Variants in ANKAR observed in about 807,000 individuals in gnomAD.
The protein encoded by ANKAR is ankyrin and armadillo repeat containing.
In ANKAR, 136 loss-of-function variants were observed where a neutral mutation model predicts 146.2. The observed-to-expected ratio is 0.93, with a 90% CI of 0.81 to 1.07. The LOEUF (loss-of-function observed/expected upper bound fraction) is 1.07. Ranked by LOEUF, ANKAR falls within the 50% of genes least tolerant of loss-of-function variation. The pLI is 0.00. For missense variants in ANKAR, 1,567 were observed against 1,679.9 expected, an observed-to-expected ratio of 0.93 and a Z score of 1.18; for synonymous variants, 500 against 575.8, an observed-to-expected ratio of 0.87 and a Z score of 1.88.
At chr2:189,716,726 TG>T (rs1287905653) in intron 10 of ANKAR, among the ~76,000 whole-genome samples, 10 of 152,208 alleles carry the variant, frequency 6.6e-5, no homozygotes, top group Non-Finnish European at 1.3e-4. Flanking sequence ...AACATGGTAC[TG>T]GTACCAAAAC....
At chr2:189,717,795 G>T (rs541743401) in intron 10 of ANKAR, among the ~76,000 whole-genome samples, 11 of 152,278 alleles carry the variant, frequency 7.2e-5, no homozygotes, top group Non-Finnish European at 1.2e-4. Context: ...CAGGGACATG[G>T]ATGACGCTGG....
intron 6 of ANKAR, 97 bp downstream of exon 6, chr2:189,695,258 G>T: frequency 9.8e-7 from 1 of 1,021,832 alleles, no homozygotes; most frequent in Non-Finnish European, 1.3e-6. Context: ...ATAATAATAG[G>T]TTAAAGTCTT....
At chr2:189,722,816 A>G (rs1574630480) in intron 12 of ANKAR, among the ~76,000 whole-genome samples, 1 of 151,652 alleles carries the variant, frequency 6.6e-6, no homozygotes, top group East Asian at 1.9e-4. Flanking sequence ...TGGGAGGCAG[A>G]GGTTGCAGTG....
Position 189,754,785 on chromosome 2 carries a change from GTAAT to G in ANKAR, c.*585-6311_*585-6308del, listed in dbSNP as rs1357381738. 1.2e-5 allele frequency: 3 copies of G among 247,956 alleles called. No homozygotes were observed. In the East Asian group the frequency reaches 3.6e-4, roughly 30 times the overall value. 15.4% of individuals were successfully genotyped at this position (247,956 alleles called of 1,614,324 possible). Reference sequence around the variant, plus strand: ...GGGGGGGACCCTGTCTGTGGTGTAAGTAATTGTGTGATTTAATTCTGTGCATTGC... The same window carrying G: ...GGGGGGGACCCTGTCTGTGGTGTAAGTGTGTGATTTAATTCTGTGCATTGC... On this transcript the variant is annotated intron_variant and NMD_transcript_variant, in intron 18 of 18. Transcript: ENST00000441800.
At chr2:189,738,496 G>C in intron 18 of ANKAR, 69 bp from the exon 19 acceptor site, 1 of 916,680 alleles carries the variant, frequency 1.1e-6, no homozygotes, top group Non-Finnish European at 1.7e-6. Context: ...CATAAAAAAT[G>C]ACAAACGTGT....
chr2:189,762,811 G>A (rs1051725516), downstream of ANKAR: 3 of 985,512 alleles, frequency 3.0e-6, no homozygotes, highest in Non-Finnish European at 3.6e-6. Flanking sequence ...AACTGTGCAA[G>A]GTCCCGTCCA....
chr2:189,739,042 C>G (rs146013055), intron 19 of ANKAR, among the ~76,000 whole-genome samples: 1 of 152,306 alleles, frequency 6.6e-6, no homozygotes, highest in Admixed American at 6.5e-5. Flanking sequence ...AGATGTACCT[C>G]TGTCTGGTTT....
chr2:189,738,401 C>CGA (rs1239484190), intron 18 of ANKAR, among the ~76,000 whole-genome samples, 164 bp from the exon 19 acceptor site: 6 of 151,972 alleles, frequency 3.9e-5, no homozygotes, highest in Non-Finnish European at 8.8e-5. Flanking sequence ...GACAAATACT[C>CGA]TAACTCTCCC....
chr2:189,728,090 T>C lies in ANKAR; in HGVS notation c.2870T>C (p.Leu957Pro), dbSNP rs1473086966. ...EKSLTKYLLKLLKAFQIDVKE... is the reference protein window; with the variant it reads ...EKSLTKYLLKPLKAFQIDVKE... ...TCGTTAACTAAATATCTTTTAAAAC[T>C]CCTAAAGGTAGGAATTTTATGATTA... Residue 957 changes from leucine to proline, a missense_variant, in exon 13 of 23, where the codon CTC (leucine) becomes CCC (proline). By Grantham distance (98) the Leu-to-Pro change is moderately conservative. Coordinates refer to ENST00000684021, the MANE Select transcript of ANKAR (RefSeq NM_001378068.1). The C allele has an allele frequency of 1.4e-5, 23 of 1,603,304 alleles. No homozygotes were observed. Among genetic ancestry groups the C allele is most frequent in the Admixed American group, 3.4e-5 (2 of 58,122 alleles).
intron 4 of ANKAR, 200 bp downstream of exon 4, chr2:189,692,618 G>A (rs955878670): frequency 2.3e-6 from 1 of 444,070 alleles, no homozygotes. Flanking sequence ...TTGGATATCT[G>A]AGATAAAATT....
intron 5 of ANKAR, among the ~76,000 whole-genome samples, chr2:189,694,634 G>T: frequency 6.6e-6 from 1 of 152,202 alleles, no homozygotes; most frequent in South Asian, 2.1e-4. Flanking sequence ...CGAGGAGCCA[G>T]ATATAGACAT....
At chr2:189,678,106 A>AT (rs1247096980) in intron 2 of ANKAR, among the ~76,000 whole-genome samples, 1 of 151,936 alleles carries the variant, frequency 6.6e-6, no homozygotes, top group African/African-American at 2.4e-5. Context: ...GACATGTATT[A>AT]TTTTTTTATT....
chr2:189,734,799 A>G (rs940372333), intron 17 of ANKAR, among the ~76,000 whole-genome samples: 3 of 152,048 alleles, frequency 2.0e-5, no homozygotes, highest in Non-Finnish European at 2.9e-5. Context: ...CCCCATCTCT[A>G]CTAAAGAGAT....
In ANKAR at chr2:189,741,439, G is replaced by T. The variant is rs752155880; in HGVS notation, c.3798G>T (p.Ser1266=). The T allele has an allele frequency of 1.3e-6, 2 of 1,597,062 alleles. No individual in the cohort carries two copies. The highest frequency in any genetic ancestry group is 2.3e-5 in the East Asian group (1 of 44,354). ...TIQRLCYHLY[S]GIEEVRAACS... ...AACGGCTCTGCTATCATTTGTACTC[G>T]GGAATAGAAGAGGTAAAAACAAGCA... is the stretch of plus-strand genomic sequence containing the variant. The change falls in exon 20 of 23, where the codon TCG becomes TCT. Residue 1266 remains serine, a synonymous_variant. Transcript: ENST00000684021.
rs369248930 is a variant in ANKAR, at chr2:189,727,973, G to A, written c.2753G>A (p.Gly918Glu). The A allele has an allele frequency of 1.5e-5, 25 of 1,613,986 alleles. No individual in the cohort carries two copies. The highest frequency in any genetic ancestry group is 1.3e-4 in the East Asian group (6 of 44,860). Residue 918 changes from glycine (G) to glutamate (E), a missense_variant, in exon 13 of 23, where the codon GGG becomes GAG. Transcript: ENST00000684021. ...CCTCCTCTGGTGGCTCTTTTTAAAG[G>A]GAAACAAATTAGTGTCCAAATGAAA... ...AIPPLVALFK[G>E]KQISVQMKGA...
chr2:189,740,026 T>C (rs542658924), intron 19 of ANKAR, among the ~76,000 whole-genome samples: 2 of 152,334 alleles, frequency 1.3e-5, no homozygotes, highest in South Asian at 4.1e-4. Context: ...AAGCTTGATA[T>C]TCAGGCCTCA....
In ANKAR at chr2:189,719,619, C is replaced by G; in HGVS notation, c.2272C>G (p.Leu758Val). ...TCTATTAAAAAGTTCCAAAATAAAACTGCAGTGCAAAACTGTTGGGTTATT... is the reference window on the plus strand; with the variant it reads ...TCTATTAAAAAGTTCCAAAATAAAAGTGCAGTGCAAAACTGTTGGGTTATT... ...INLLKSSKIK[L>V]QCKTVGLLSN... Residue 758 changes from leucine to valine, a missense_variant, in exon 11 of 23, where the codon CTG becomes GTG. By Grantham distance (32) the Leu-to-Val change is conservative. Transcript: ENST00000684021. 6.2e-7 allele frequency: 1 copy of G among 1,613,388 alleles called. No individual in the cohort carries two copies. The highest frequency in any genetic ancestry group is 8.5e-7 in the Non-Finnish European group (1 of 1,179,472).
intron 10 of ANKAR, among the ~76,000 whole-genome samples, chr2:189,717,854 A>G (rs1285774453): frequency 6.6e-6 from 1 of 152,050 alleles, no homozygotes; most frequent in Non-Finnish European, 1.5e-5. Context: ...AGCAAACACC[A>G]CATGTTCTCA....
chr2:189,752,498 T>C (rs556603234), intron 18 of ANKAR, among the ~76,000 whole-genome samples: 30 of 152,362 alleles, frequency 2.0e-4, no homozygotes, highest in African/African-American at 7.0e-4. Context: ...ATTTCTCATA[T>C]GGTATCAACC....
Sources: allele counts gnomAD v4.1 joint callset (sites outside exome capture counted in the v4.1 genomes callset), GRCh38; gene constraint gnomAD v4.1.1; transcripts MANE v1.5; gene names NCBI Gene and HGNC (gene_info 2026-07-23, HGNC 2026-07-21).